MLPH: variants seen among roughly 807,000 people sequenced by gnomAD.
MLPH encodes exophilin-3.
MLPH carries 51 observed loss-of-function variants against 72.1 expected under a neutral mutation model. That is an observed-to-expected ratio of 0.71 (90% CI 0.56 to 0.89). The LOEUF is 0.89. Ranked by LOEUF, MLPH falls within the 40% of genes least tolerant of loss-of-function variation. MLPH has a pLI of 0.00. For missense variants in MLPH, 743 were observed against 759.9 expected (o/e 0.98, Z 0.26); for synonymous variants, 301 against 310.1 (o/e 0.97, Z 0.31).
At chr2:237,537,727 C>T (rs1329622293) in intron 9 of MLPH, 1 of 152,210 alleles carries the variant, frequency 6.6e-6, no homozygotes, top group Non-Finnish European at 1.5e-5. Context: ...TGTGCAATAT[C>T]CTCGGCTTGA....
At chr2:237,538,689 A>G (rs2106371253) in intron 9 of MLPH, among the ~76,000 whole-genome samples, 1 of 152,340 alleles carries the variant, frequency 6.6e-6, no homozygotes, top group East Asian at 1.9e-4. Context: ...ACAAAAAGAC[A>G]GGTTTTCAGA....
At chr2:237,491,596 C>G (rs1161874526) in intron 1 of MLPH, among the ~76,000 whole-genome samples, 1 of 152,132 alleles carries the variant, frequency 6.6e-6, no homozygotes. Context: ...TATAAAGAAA[C>G]GTTAAAGGGA....
chr2:237,549,684 G>A (rs1239842852), intron 14 of MLPH, among the ~76,000 whole-genome samples: 4 of 152,166 alleles, frequency 2.6e-5, no homozygotes, highest in East Asian at 3.9e-4. Flanking sequence ...TCCCCAGCAC[G>A]TGGCCGGGCT....
intron 12 of MLPH, among the ~76,000 whole-genome samples, chr2:237,544,503 TGG>T (rs1196350886): frequency 4.2e-4 from 2 of 4,732 alleles, no homozygotes; most frequent in African/African-American, 1.3e-3. Context: ...CAGTGGTGAG[TGG>T]GGGGACAGTG....
At chr2:237,501,961 G>A (rs1199412740) in intron 2 of MLPH, among the ~76,000 whole-genome samples, 1 of 152,120 alleles carries the variant, frequency 6.6e-6, no homozygotes, top group Non-Finnish European at 1.5e-5. Flanking sequence ...CTTTGAATCT[G>A]TAAGATCTCT....
chr2:237,506,726 G>T (rs994130448), intron 2 of MLPH, among the ~76,000 whole-genome samples: 3 of 152,150 alleles, frequency 2.0e-5, no homozygotes, highest in African/African-American at 7.2e-5. Context: ...TGTGGCGCTG[G>T]GCTGTCTGCC....
At chr2:237,518,670 C>T in intron 5 of MLPH, 22 bp downstream of exon 5, 3 of 1,577,218 alleles carry the variant, frequency 1.9e-6, no homozygotes, top group African/African-American at 1.3e-5. Flanking sequence ...CCAGCCACCC[C>T]CTCCTCAGCC....
chr2:237,498,564 C>A (rs1179081077), intron 2 of MLPH, among the ~76,000 whole-genome samples: 1 of 152,194 alleles, frequency 6.6e-6, no homozygotes. Context: ...CCAGGCCTGC[C>A]CCTCCCTCCA....
intron 13 of MLPH, among the ~76,000 whole-genome samples, chr2:237,548,496 A>G (rs2080964501): frequency 6.6e-6 from 1 of 152,244 alleles, no homozygotes; most frequent in Non-Finnish European, 1.5e-5. Flanking sequence ...CGTGTTAGCC[A>G]CAAGTGATCT....
chr2:237,513,123 G>A (rs951471481), intron 4 of MLPH, among the ~76,000 whole-genome samples: 4 of 151,836 alleles, frequency 2.6e-5, no homozygotes, highest in Admixed American at 6.6e-5. Context: ...AAAAAAAGGA[G>A]GGTAAAAAAG....
chr2:237,524,427 T>C (rs999737983), intron 6 of MLPH, among the ~76,000 whole-genome samples: 6 of 151,668 alleles, frequency 4.0e-5, no homozygotes, highest in African/African-American at 9.7e-5. Context: ...ACTGAAGAAC[T>C]TGGAGTCCGA....
rs189390602 is a variant in MLPH at position 237,510,745 on chromosome 2, C to T, written c.282C>T (p.Arg94=). The T allele has an allele frequency of 1.1e-5, 18 of 1,613,678 alleles. No individual in the cohort carries two copies. In the East Asian group the frequency reaches 3.1e-4, roughly 28 times the overall value. Residue 94 remains arginine (R), a synonymous_variant, in exon 3 of 16, where the codon CGC becomes CGT. Transcript: ENST00000264605. The surrounding 1 kb of genome is among the most constrained non-coding windows in gnomAD (Gnocchi z 4.4). ...TCTTCACCTGCAAAAGCTGTGGCCG[C>T]GTCCACCCGGAGGAGCAGGGCTGGA... ...CGLFTCKSCG[R]VHPEEQGWIC...
chr2:237,546,341 T>A, intron 12 of MLPH: 2 of 499,612 alleles, frequency 4.0e-6, no homozygotes, highest in South Asian at 4.2e-5. Context: ...TCCTTTAGCT[T>A]GGTGATTGTG....
At chr2:237,549,304 C>A (rs1033381013) in intron 14 of MLPH, 26 bp downstream of exon 14, 5 of 1,607,512 alleles carry the variant, frequency 3.1e-6, no homozygotes, top group Non-Finnish European at 4.3e-6. Context: ...TCCCCCACCC[C>A]CATGGGCCTG....
chr2:237,529,378 G>T (rs2080372625), intron 8 of MLPH, among the ~76,000 whole-genome samples: 1 of 152,124 alleles, frequency 6.6e-6, no homozygotes, highest in Non-Finnish European at 1.5e-5. Context: ...AAGAAACTCT[G>T]CTCATAATAC....
At chr2:237,511,498 G>A (rs1197109181) in intron 4 of MLPH, 2 of 199,406 alleles carry the variant, frequency 1.0e-5, no homozygotes, top group Non-Finnish European at 2.1e-5. Flanking sequence ...TGCTGCTGAA[G>A]TTGCCAATAT....
chr2:237,497,798 A>G (rs1382358005), intron 2 of MLPH, among the ~76,000 whole-genome samples: 1 of 152,220 alleles, frequency 6.6e-6, no homozygotes, highest in Non-Finnish European at 1.5e-5. Flanking sequence ...CCGCCACAGA[A>G]TCCCGTTCTC....
chr2:237,553,705 A>C lies in MLPH; in HGVS notation c.*113A>C. The C allele has an allele frequency of 6.8e-7, 1 of 1,461,440 alleles. No homozygotes were observed. Among genetic ancestry groups the C allele is most frequent in the East Asian group, 2.3e-5 (1 of 44,180 alleles). 90.5% of individuals were successfully genotyped at this position (1,461,440 alleles called of 1,614,324 possible). A position where few individuals can be genotyped will look rare whatever the true frequency, so the allele number is the denominator to read the frequency against. ...TATACACAGTCACCGTCCCAATGAG[A>C]AACAAGAAGGAGCACCCTCCACATG... On this transcript the variant is annotated 3_prime_UTR_variant, in exon 16 of 16. Transcript: ENST00000264605.
chr2:237,492,754 C>G (rs2079452301), intron 1 of MLPH, among the ~76,000 whole-genome samples: 1 of 152,188 alleles, frequency 6.6e-6, no homozygotes, highest in African/African-American at 2.4e-5. Flanking sequence ...CATATGACCT[C>G]CCCCTGGAAC....
Sources: allele counts gnomAD v4.1 joint callset (sites outside exome capture counted in the v4.1 genomes callset), GRCh38; gene constraint gnomAD v4.1.1; non-coding constraint Gnocchi (gnomAD v3.1); transcripts MANE v1.5; gene names NCBI Gene and HGNC (gene_info 2026-07-23, HGNC 2026-07-21).